The following DRC11 variants were observed in gnomAD, a reference collection of about 807,000 sequenced individuals.
DRC11 encodes the protein IQ and AAA domain-containing protein 1.
the DRC11 span, among the ~76,000 whole-genome samples, chr2:236,336,285 C>T: frequency 0.2 from 30,030 of 152,020 alleles, 3,081 homozygotes; most frequent in African/African-American, 0.26. This position sits in a 1 kb window ranked among gnomAD's most constrained non-coding sequence, Gnocchi z 7.3. Context: ...GCAAAAAAAA[C>T]GGAGCAGCAA....
At chr2:236,501,769 G>A in the DRC11 span, among the ~76,000 whole-genome samples, 1 of 152,120 alleles carries the variant, frequency 6.6e-6, no homozygotes, top group African/African-American at 2.4e-5. Flanking sequence ...GAGCTTAATA[G>A]GATTTGGGGC....
chr2:236,346,970 G>C, the DRC11 span, among the ~76,000 whole-genome samples: 6 of 152,220 alleles, frequency 3.9e-5, no homozygotes, highest in Middle Eastern at 3.2e-3. Flanking sequence ...CACAACTCCA[G>C]TGAACACACT....
the DRC11 span, among the ~76,000 whole-genome samples, chr2:236,326,370 T>A: frequency 6.6e-6 from 1 of 152,214 alleles, no homozygotes; most frequent in South Asian, 2.1e-4. Flanking sequence ...CTTTGATGGA[T>A]CTTTGTATTT....
chr2:236,351,191 T>C, the DRC11 span, among the ~76,000 whole-genome samples: 2 of 151,864 alleles, frequency 1.3e-5, no homozygotes, highest in Non-Finnish European at 2.9e-5. This position sits in a 1 kb window ranked among gnomAD's most constrained non-coding sequence, Gnocchi z 7.3. Flanking sequence ...CAAAGAGTAA[T>C]AATGCAGGGT....
chr2:236,475,447 C>A, the DRC11 span, among the ~76,000 whole-genome samples: 2 of 152,140 alleles, frequency 1.3e-5, no homozygotes, highest in Non-Finnish European at 2.9e-5. The surrounding 1 kb of genome is among the most constrained non-coding windows in gnomAD (Gnocchi z 4.8). Context: ...CATGCAAGTG[C>A]AGATATCTCT....
At chr2:236,378,167 T>C in the DRC11 span, among the ~76,000 whole-genome samples, 1 of 152,186 alleles carries the variant, frequency 6.6e-6, no homozygotes. Flanking sequence ...TGGAGTTGTA[T>C]TGCATCAAAC....
At chr2:236,431,334 C>T in the DRC11 span, among the ~76,000 whole-genome samples, 1 of 152,182 alleles carries the variant, frequency 6.6e-6, no homozygotes, top group Non-Finnish European at 1.5e-5. This position sits in a 1 kb window ranked among gnomAD's most constrained non-coding sequence, Gnocchi z 4.2. Context: ...AACTTACAAT[C>T]ATGGTGGAAG....
the DRC11 span, among the ~76,000 whole-genome samples, chr2:236,367,100 G>A: frequency 2.0e-5 from 3 of 150,214 alleles, no homozygotes; most frequent in Admixed American, 6.6e-5. This position sits in a 1 kb window ranked among gnomAD's most constrained non-coding sequence, Gnocchi z 4.8. Flanking sequence ...GATTACATGC[G>A]TGAGCCACTA....
the DRC11 span, among the ~76,000 whole-genome samples, chr2:236,357,278 T>TATTTATGTATTA: frequency 8.4e-6 from 1 of 118,616 alleles, no homozygotes; most frequent in African/African-American, 3.5e-5. Flanking sequence ...TATACATATA[T>TATTTATGTATTA]TATATATTTA....
At chr2:236,416,708 CATATATATATATTTATATATATAT>C in the DRC11 span, among the ~76,000 whole-genome samples, 21 of 74,576 alleles carry the variant, frequency 2.8e-4, no homozygotes, top group East Asian at 2.1e-3. Flanking sequence ...TATTTATTTA[CATATATATATATTTATATATATAT>C]ATATATATAT....
the DRC11 span, among the ~76,000 whole-genome samples, chr2:236,409,904 A>T: frequency 1.3e-5 from 2 of 152,170 alleles, no homozygotes; most frequent in Non-Finnish European, 2.9e-5. Context: ...TATATGATGG[A>T]TTACATTTAT....
the DRC11 span, among the ~76,000 whole-genome samples, chr2:236,320,346 T>C: frequency 1.3e-5 from 2 of 152,214 alleles, no homozygotes; most frequent in Non-Finnish European, 2.9e-5. Flanking sequence ...AAGCCACTTA[T>C]GCCGGTGGCT....
the DRC11 span, among the ~76,000 whole-genome samples, chr2:236,506,909 C>T: frequency 0.012 from 1,796 of 152,234 alleles, 27 homozygotes; most frequent in African/African-American, 0.036. The surrounding 1 kb of genome is among the most constrained non-coding windows in gnomAD (Gnocchi z 4.9). Context: ...TATTTGTTAC[C>T]GTGAAAGATT....
At chr2:236,399,581 C>T in the DRC11 span, 81 of 1,010,334 alleles carry the variant, frequency 8.0e-5, no homozygotes, top group East Asian at 1.4e-4. This position sits in a 1 kb window ranked among gnomAD's most constrained non-coding sequence, Gnocchi z 7.0. Context: ...GTCCATGCCG[C>T]GCAGGCCCAG....
the DRC11 span, chr2:236,391,825 A>G: frequency 1.5e-6 from 1 of 671,778 alleles, no homozygotes; most frequent in African/African-American, 1.8e-5. The surrounding 1 kb of genome is among the most constrained non-coding windows in gnomAD (Gnocchi z 4.5). Context: ...TAAATGGTGG[A>G]CCAATTAAAT....
chr2:236,343,815 AATGACAGGGC>A, the DRC11 span: 25 of 1,131,820 alleles, frequency 2.2e-5, no homozygotes, highest in Non-Finnish European at 2.9e-5. This position sits in a 1 kb window ranked among gnomAD's most constrained non-coding sequence, Gnocchi z 6.6. Context: ...GACTTTCTGA[AATGACAGGGC>A]AATCAAGGCT....
At chr2:236,417,618 T>G in the DRC11 span, among the ~76,000 whole-genome samples, 1 of 152,010 alleles carries the variant, frequency 6.6e-6, no homozygotes, top group African/African-American at 2.4e-5. Context: ...CGTACAGGTT[T>G]GTTACATAGG....
the DRC11 span, chr2:236,454,707 T>C: frequency 6.6e-6 from 1 of 152,228 alleles, no homozygotes; most frequent in Non-Finnish European, 1.5e-5. The surrounding 1 kb of genome is among the most constrained non-coding windows in gnomAD (Gnocchi z 5.3). Context: ...AAGATATCTA[T>C]TGTGAACCTT....
chr2:236,491,061 C>T, the DRC11 span, among the ~76,000 whole-genome samples: 4 of 113,206 alleles, frequency 3.5e-5, no homozygotes, highest in African/African-American at 1.1e-4. Context: ...TATATATATA[C>T]ACACAGTATA....
Sources: gnomAD v4.1 joint callset for allele counts (sites outside exome capture counted in the v4.1 genomes callset) on GRCh38, gnomAD v4.1.1 for gene constraint, Gnocchi (gnomAD v3.1) non-coding constraint, MANE v1.5 for transcripts, NCBI Gene and HGNC (gene_info 2026-07-23, HGNC 2026-07-21) for gene names.